The following CELSR1 variants were observed in gnomAD, a reference collection of about 807,000 sequenced individuals.
CELSR1 encodes adhesion G protein-coupled receptor C1.
In CELSR1, 110 loss-of-function variants were observed where a neutral mutation model predicts 249.1. The observed-to-expected ratio is 0.44, with a 90% confidence interval of 0.38 to 0.52. CELSR1 has a LOEUF of 0.52. Ranked by LOEUF, CELSR1 falls within the 20% of genes least tolerant of loss-of-function variation. The pLI is 0.00. For missense variants in CELSR1, 4,109 were observed against 4,296.4 expected (o/e 0.96, Z 1.22); for synonymous variants, 2,113 against 1,900.0 (o/e 1.11, Z -2.92).
At chr22:46,419,810 C>G (rs1361310435) in intron 5 of CELSR1, among the ~76,000 whole-genome samples, 1 of 150,914 alleles carries the variant, frequency 6.6e-6, no homozygotes, top group Non-Finnish European at 1.5e-5. Context: ...CATGCACATG[C>G]ACTCATACTC....
At chr22:46,369,980 A>AG in intron 25 of CELSR1, 176 bp from the exon 26 acceptor site, 2 of 674,812 alleles carry the variant, frequency 3.0e-6, no homozygotes, top group Non-Finnish European at 5.4e-6. Context: ...CTCTCCGTGT[A>AG]GGGTCTCAGG....
chr22:46,485,529 C>T (rs2080304754), intron 1 of CELSR1, among the ~76,000 whole-genome samples: 1 of 152,172 alleles, frequency 6.6e-6, no homozygotes, highest in Admixed American at 6.5e-5. Context: ...CTGTCTGGCT[C>T]ATTATGGAGG....
At chr22:46,497,354 G>C (rs983313503) in intron 1 of CELSR1, among the ~76,000 whole-genome samples, 1 of 152,040 alleles carries the variant, frequency 6.6e-6, no homozygotes, top group African/African-American at 2.4e-5. Flanking sequence ...TCTTTTTCTT[G>C]TCTTACTGCA....
intron 3 of CELSR1, among the ~76,000 whole-genome samples, chr22:46,438,089 C>T (rs527486835): frequency 4.6e-5 from 7 of 151,672 alleles, no homozygotes; most frequent in East Asian, 1.9e-4. Flanking sequence ...CCGCTGGCGA[C>T]GGAGCAATAA....
intron 1 of CELSR1, among the ~76,000 whole-genome samples, chr22:46,479,618 G>T (rs569216940): frequency 2.2e-5 from 3 of 138,232 alleles, no homozygotes; most frequent in East Asian, 5.0e-4. Flanking sequence ...GACTTTTTGG[G>T]GGGGGGCCGG....
chr22:46,373,222 A>T (rs2078875561), intron 24 of CELSR1, among the ~76,000 whole-genome samples, 165 bp from the exon 25 acceptor site: 1 of 152,174 alleles, frequency 6.6e-6, no homozygotes. Flanking sequence ...GAGAGCCAGG[A>T]ATTGAAAATC....
chr22:46,444,023 C>T (rs1026491766), intron 2 of CELSR1, among the ~76,000 whole-genome samples: 2 of 152,246 alleles, frequency 1.3e-5, no homozygotes, highest in African/African-American at 4.8e-5. Flanking sequence ...GCCTGTGGGG[C>T]CCAGCCCTGC....
At chr22:46,370,545 C>T (rs1254835993) in intron 25 of CELSR1, among the ~76,000 whole-genome samples, 5 of 152,196 alleles carry the variant, frequency 3.3e-5, no homozygotes, top group Admixed American at 6.5e-5. Flanking sequence ...AAACCAGATC[C>T]GCCTGTCCAT....
At position 46,398,495 on chromosome 22, in the gene CELSR1, TCCCCCC is replaced by T; in HGVS notation, c.5526+23_5526+28del. ...CGGAGCTGCCTGTGAGGGGCAGGCCTCCCCCCGCCCCCCACAACCCCCACGCACCTG... is the reference window on the plus strand; with the variant it reads ...CGGAGCTGCCTGTGAGGGGCAGGCCTGCCCCCCACAACCCCCACGCACCTG... On this transcript the variant is annotated intron_variant, in intron 11 of 34. Coordinates refer to ENST00000674500, the MANE Select transcript of CELSR1 (RefSeq NM_001378328.1). The surrounding 1 kb of genome is among the most constrained non-coding windows in gnomAD (Gnocchi z 7.2). 1 of 1,506,156 alleles carries T rather than the reference TCCCCCC, an allele frequency of 6.6e-7. No homozygotes were observed. Among genetic ancestry groups the T allele is most frequent in the Non-Finnish European group, 9.1e-7 (1 of 1,098,514 alleles). 93.3% of individuals were successfully genotyped at this position (1,506,156 alleles called of 1,614,324 possible).
rs2080442303 is a variant in CELSR1, at chr22:46,499,109, G to A, written c.3544+34518C>T. Among the ~76,000 whole-genome samples, 3 of 151,566 alleles carry A rather than the reference G, an allele frequency of 2.0e-5. No homozygotes were observed. The South Asian group carries it at 6.2e-4, about 31-fold the overall frequency. Reference sequence around the variant, plus strand: ...GCAGGAGAATTGCTTGAGCCCGGGCGATGGCGGTTGCAGTGAGCCGAGATC... The same window carrying A: ...GCAGGAGAATTGCTTGAGCCCGGGCAATGGCGGTTGCAGTGAGCCGAGATC... On this transcript the variant is annotated intron_variant, in intron 1 of 34. Coordinates refer to ENST00000674500, the MANE Select transcript of CELSR1 (RefSeq NM_001378328.1).
intron 2 of CELSR1, among the ~76,000 whole-genome samples, chr22:46,443,495 C>A (rs924578381): frequency 2.6e-5 from 4 of 152,242 alleles, no homozygotes; most frequent in Non-Finnish European, 5.9e-5. Flanking sequence ...CCCTACCACT[C>A]CCCGCTATGG....
intron 27 of CELSR1, among the ~76,000 whole-genome samples, chr22:46,368,874 A>C (rs1213450352): frequency 6.7e-6 from 1 of 148,944 alleles, no homozygotes. Flanking sequence ...ACCCATCTCC[A>C]CTCTGGGGAT....
Position 46,410,274 on chromosome 22 carries a change from G to T in CELSR1, c.4933+124C>A. On this transcript the variant is annotated intron_variant, in intron 7 of 34. Transcript: ENST00000674500. The surrounding 1 kb of genome is among the most constrained non-coding windows in gnomAD (Gnocchi z 6.8). ...CCATCCCAGGAGCTGCCCACCGCTGGACACATACATTTCTAAGAAAAACAC... is the reference window on the plus strand; with the variant it reads ...CCATCCCAGGAGCTGCCCACCGCTGTACACATACATTTCTAAGAAAAACAC... The T allele has an allele frequency of 1.6e-6, 2 of 1,240,772 alleles. No homozygotes were observed. Among genetic ancestry groups the T allele is most frequent in the Non-Finnish European group, 1.1e-6 (1 of 877,726 alleles). 76.9% of individuals were successfully genotyped at this position (1,240,772 alleles called of 1,614,324 possible). A position where few individuals can be genotyped will look rare whatever the true frequency, so the allele number is the denominator to read the frequency against.
chr22:46,363,917 G>A lies in CELSR1; in HGVS notation c.9035+79C>T. ...CAGGTGAGGTGGGTGTCAGGTCCCTGACCACTGCCCCCTCTCTCTCCTGAC... is the reference window on the plus strand; with the variant it reads ...CAGGTGAGGTGGGTGTCAGGTCCCTAACCACTGCCCCCTCTCTCTCCTGAC... On this transcript the variant is annotated intron_variant, in intron 34 of 34. Coordinates refer to ENST00000674500, the MANE Select transcript of CELSR1 (RefSeq NM_001378328.1). This position sits in a 1 kb window ranked among gnomAD's most constrained non-coding sequence, Gnocchi z 4.3. 1 of 1,449,166 alleles carries A rather than the reference G, an allele frequency of 6.9e-7. No individual in the cohort carries two copies. The highest frequency in any genetic ancestry group is 1.4e-5 in the South Asian group (1 of 70,234). 89.8% of individuals were successfully genotyped at this position (1,449,166 alleles called of 1,614,324 possible).
chr22:46,364,203 T>C lies in CELSR1; in HGVS notation c.8828A>G (p.Glu2943Gly), dbSNP rs749937291. The change falls in exon 34 of 35, where the codon GAG becomes GGG. Residue 2943 changes from glutamate to glycine, a missense_variant. Around this residue, in one of 7 missense-constraint regions of CELSR1, gnomAD observed 1,805 missense variants for 1,831.6 expected, o/e 0.99. Coordinates refer to ENST00000674500, the MANE Select transcript of CELSR1 (RefSeq NM_001378328.1). Reference protein sequence around the residue: ...VTYPPPLTLTEQTLKGRLREK... With the variant: ...VTYPPPLTLTGQTLKGRLREK... ...CCGGAGCCGGCCCTTCAGCGTCTGCTCCGTCAGCGTCAGCGGCGGCGGGTA... is the reference window on the plus strand; with the variant it reads ...CCGGAGCCGGCCCTTCAGCGTCTGCCCCGTCAGCGTCAGCGGCGGCGGGTA... The C allele has an allele frequency of 1.5e-5, 24 of 1,611,584 alleles. No individual in the cohort carries two copies. Among genetic ancestry groups the C allele is most frequent in the Non-Finnish European group, 2.0e-5 (24 of 1,179,752 alleles).
In CELSR1 at chr22:46,433,946, C is replaced by T. The variant is rs1369114318; in HGVS notation, c.4523-465G>A. 6.6e-6 allele frequency among the ~76,000 whole-genome samples: 1 copy of T among 152,104 alleles called. No individual in the cohort carries two copies. The highest frequency in any genetic ancestry group is 1.5e-5 in the Non-Finnish European group (1 of 68,008). ...GATCTGCCTGCCTTGGCCTCCCAAA[C>T]TGCTGGGATAACGGGCGTGAGCCAC... On this transcript the variant is annotated intron_variant, in intron 4 of 34. Coordinates refer to ENST00000674500, the MANE Select transcript of CELSR1 (RefSeq NM_001378328.1). The surrounding 1 kb of genome is among the most constrained non-coding windows in gnomAD (Gnocchi z 5.7).
intron 1 of CELSR1, among the ~76,000 whole-genome samples, chr22:46,477,024 A>G (rs1358535983): frequency 1.3e-5 from 2 of 152,206 alleles, no homozygotes; most frequent in Non-Finnish European, 2.9e-5. Flanking sequence ...AAAAGGAGAA[A>G]GCGATTCTAA....
chr22:46,390,456 T>A lies in CELSR1; in HGVS notation c.6281A>T (p.Lys2094Met), dbSNP rs1263542727. 1 of 1,613,930 alleles carries A rather than the reference T, an allele frequency of 6.2e-7. No individual in the cohort carries two copies. Among genetic ancestry groups the A allele is most frequent in the South Asian group, 1.1e-5 (1 of 91,014 alleles). ...AAAGAGCTCTGGGGGCAGCCAGCCCTTCTCCCCGCTGCAGTGTCGGACCGC... is the reference window on the plus strand; with the variant it reads ...AAAGAGCTCTGGGGGCAGCCAGCCCATCTCCCCGCTGCAGTGTCGGACCGC... ...GNAVRHCSGE[K>M]GWLPPELFNC... The change falls in exon 17 of 35, where the codon AAG (lysine) becomes ATG (methionine). Residue 2094 changes from lysine to methionine, a missense_variant. Coordinates refer to ENST00000674500, the MANE Select transcript of CELSR1 (RefSeq NM_001378328.1). The surrounding 1 kb of genome is among the most constrained non-coding windows in gnomAD (Gnocchi z 6.3).
intron 5 of CELSR1, among the ~76,000 whole-genome samples, chr22:46,420,280 A>G (rs2079452755): frequency 6.7e-6 from 1 of 149,316 alleles, no homozygotes; most frequent in South Asian, 2.1e-4. Flanking sequence ...ACGTGCACTC[A>G]TATATGCACA....
Sources: gnomAD v4.1 joint callset for allele counts (sites outside exome capture counted in the v4.1 genomes callset) on GRCh38, gnomAD v4.1.1 for gene constraint, gnomAD v4.1.1 regional missense constraint, Gnocchi (gnomAD v3.1) non-coding constraint, MANE v1.5 for transcripts, NCBI Gene and HGNC (gene_info 2026-07-23, HGNC 2026-07-21) for gene names.